The following TARBP1 variants were observed in gnomAD, a reference collection of about 807,000 sequenced individuals.
The protein encoded by TARBP1 is tRNA guanosine 2 -O-methyltransferase TARBP1.
In TARBP1, 144 loss-of-function variants were observed where a neutral mutation model predicts 178.6. The ratio of observed to expected loss-of-function variants is 0.81; its 90% CI spans 0.70 to 0.93. The LOEUF (loss-of-function observed/expected upper bound fraction) is 0.93, where lower values mean the gene tolerates loss of function less well. Ranked by LOEUF, TARBP1 falls within the 40% of genes least tolerant of loss-of-function variation. TARBP1 has a pLI of 0.00. For synonymous variants in TARBP1, 787 were observed against 781.0 expected (o/e 1.01, Z -0.13); for missense variants, 2,067 against 2,011.7 (o/e 1.03, Z -0.53).
At position 234,403,095 on chromosome 1, in the gene TARBP1, T is replaced by C. The variant is rs138009214; in HGVS notation, c.3990-1833A>G. 2.9e-3 allele frequency among the ~76,000 whole-genome samples: 447 copies of C among 152,294 alleles called. 3 individuals carry two copies. The highest frequency in any genetic ancestry group is 0.01 in the African/African-American group (430 of 41,568). On this transcript the variant is annotated intron_variant, in intron 24 of 29. Transcript: ENST00000040877. ...CTCCGATCTGCTCTTCACACTTTAA[T>C]GCAAAAGAAAACTGGATGACGTCAT... is the stretch of plus-strand genomic sequence containing the variant.
At chr1:234,455,700 T>C (rs1667198986) in intron 9 of TARBP1, among the ~76,000 whole-genome samples, 1 of 152,102 alleles carries the variant, frequency 6.6e-6, no homozygotes, top group Non-Finnish European at 1.5e-5. Context: ...ACCAATAGTT[T>C]TAATCTTCAA....
Position 234,460,293 on chromosome 1 carries a change from C to CTT in TARBP1, c.1501_1502dup (p.Ala502ArgfsTer5). The stretch of plus-strand genomic sequence containing the variant: ...CAAGAAGCCCATCTATACCCAGGGC[C>CTT]TTATGTCTTGGGACATTTGCCAAAG... On this transcript the variant is annotated frameshift_variant, in exon 7 of 30. Transcript: ENST00000040877. LOFTEE classifies it high-confidence loss of function. The CTT allele has an allele frequency of 4.3e-6, 7 of 1,614,090 alleles. No individual in the cohort carries two copies. The highest frequency in any genetic ancestry group is 5.9e-6 in the Non-Finnish European group (7 of 1,180,004).
At chr1:234,431,491 T>C (rs1310655725) in intron 14 of TARBP1, among the ~76,000 whole-genome samples, 5 of 152,252 alleles carry the variant, frequency 3.3e-5, no homozygotes, top group Admixed American at 3.3e-4. Flanking sequence ...CATTTCCTCC[T>C]AGAATTAAAT....
intron 13 of TARBP1, among the ~76,000 whole-genome samples, chr1:234,434,297 A>G (rs1310829508): frequency 6.6e-6 from 1 of 152,232 alleles, no homozygotes; most frequent in Non-Finnish European, 1.5e-5. Flanking sequence ...AGAAATTATT[A>G]CTATATTAAT....
chr1:234,432,135 C>CA (rs72281584), intron 14 of TARBP1, among the ~76,000 whole-genome samples: 224 of 94,208 alleles, frequency 2.4e-3, no homozygotes, highest in Middle Eastern at 5.5e-3. Flanking sequence ...ACTCCGTCTC[C>CA]AAAAAAAAAA....
rs946368943 is a variant in TARBP1 at position 234,450,344 on chromosome 1, C to T, written c.1861+84G>A. 8 of 1,104,344 alleles carry T rather than the reference C, an allele frequency of 7.2e-6. No homozygotes were observed. In the African/African-American group the frequency reaches 1.1e-4, roughly 16 times the overall value. The allele number at this position is 1,104,344 out of a possible 1,614,324, so 68.4% of individuals were successfully genotyped here. On this transcript the variant is annotated intron_variant, in intron 10 of 29. Transcript: ENST00000040877. The stretch of plus-strand genomic sequence containing the variant: ...TAAATCATCATATATTTCGTAAAGC[C>T]TAACTCTCAGTCTGAAAAACTAGTT...
At chr1:234,466,380 C>G (rs955530024) in intron 4 of TARBP1, among the ~76,000 whole-genome samples, 2 of 151,932 alleles carry the variant, frequency 1.3e-5, no homozygotes, top group African/African-American at 4.8e-5. Flanking sequence ...GGCATGGTGG[C>G]GTGCACCTGT....
At chr1:234,398,161 CTTT>C (rs35248474) in intron 26 of TARBP1, 99 of 259,464 alleles carry the variant, frequency 3.8e-4, no homozygotes, top group South Asian at 7.1e-4. Context: ...CTTCCTTTGG[CTTT>C]TTTTTTTTTT....
At chr1:234,453,168 T>C (rs1390698528) in intron 9 of TARBP1, among the ~76,000 whole-genome samples, 1 of 152,122 alleles carries the variant, frequency 6.6e-6, no homozygotes, top group African/African-American at 2.4e-5. Context: ...AACCCTAATG[T>C]CAACTATGAC....
chr1:234,455,218 G>A (rs1667156109), intron 9 of TARBP1, among the ~76,000 whole-genome samples: 1 of 152,170 alleles, frequency 6.6e-6, no homozygotes, highest in Admixed American at 6.5e-5. Flanking sequence ...CACCAATCTG[G>A]TGGTAATTTA....
chr1:234,450,337 G>T, intron 10 of TARBP1, 91 bp downstream of exon 10: 3 of 993,188 alleles, frequency 3.0e-6, no homozygotes, highest in Non-Finnish European at 2.9e-6. Flanking sequence ...CATATATTTC[G>T]TAAAGCCTAA....
intron 13 of TARBP1, among the ~76,000 whole-genome samples, chr1:234,434,330 G>A (rs1404418902): frequency 1.3e-5 from 2 of 152,132 alleles, no homozygotes; most frequent in African/African-American, 4.8e-5. Flanking sequence ...TACCAGAAGA[G>A]GCCTCCTATG....
chr1:234,408,200 GTT>G (rs543788841), intron 23 of TARBP1, among the ~76,000 whole-genome samples: 1 of 143,560 alleles, frequency 7.0e-6, no homozygotes, highest in Non-Finnish European at 1.5e-5. Flanking sequence ...ATTAAGAAAG[GTT>G]TTTTTTTTTT....
chr1:234,467,131 G>A (rs1053521349), intron 4 of TARBP1, among the ~76,000 whole-genome samples: 1 of 152,148 alleles, frequency 6.6e-6, no homozygotes, highest in African/African-American at 2.4e-5. Flanking sequence ...CAGAATTGAG[G>A]CAGTAGCATC....
At chr1:234,411,824 GATA>G (rs1661856544) in intron 22 of TARBP1, among the ~76,000 whole-genome samples, 1 of 152,072 alleles carries the variant, frequency 6.6e-6, no homozygotes, top group South Asian at 2.1e-4. Context: ...TTATTTTAGT[GATA>G]ATAAACTGAT....
At chr1:234,454,656 C>G (rs1667109332) in intron 9 of TARBP1, among the ~76,000 whole-genome samples, 1 of 152,132 alleles carries the variant, frequency 6.6e-6, no homozygotes. Flanking sequence ...CCTGAACTTA[C>G]AAATTATAAG....
At chr1:234,448,425 A>T in intron 11 of TARBP1, 55 bp downstream of exon 11, 1 of 1,477,158 alleles carries the variant, frequency 6.8e-7, no homozygotes, top group Admixed American at 1.7e-5. Flanking sequence ...TACACATCAT[A>T]ATTCTCATCA....
At chr1:234,445,072 C>T (rs1235706458) in intron 12 of TARBP1, among the ~76,000 whole-genome samples, 1 of 152,180 alleles carries the variant, frequency 6.6e-6, no homozygotes, top group Middle Eastern at 3.2e-3. Flanking sequence ...CCCCAAATTG[C>T]TTCCGTTGAG....
intron 3 of TARBP1, among the ~76,000 whole-genome samples, chr1:234,470,506 T>C (rs555719756): frequency 6.6e-6 from 1 of 152,200 alleles, no homozygotes; most frequent in East Asian, 1.9e-4. Flanking sequence ...GGTAGGTGCG[T>C]CACACACACT....
Sources: allele counts gnomAD v4.1 joint callset (sites outside exome capture counted in the v4.1 genomes callset), GRCh38; gene constraint gnomAD v4.1.1; transcripts MANE v1.5; gene names NCBI Gene and HGNC (gene_info 2026-07-23, HGNC 2026-07-21).